ZFR: variants seen among roughly 807,000 people sequenced by gnomAD.
The protein encoded by ZFR is zinc finger RNA binding protein, also known as zinc finger RNA-binding protein.
A neutral mutation model predicts 130.7 loss-of-function variants in ZFR; 19 were observed. The ratio of observed to expected loss-of-function variants is 0.15; its 90% confidence interval spans 0.10 to 0.21. The LOEUF is 0.21. Ranked by LOEUF, ZFR falls within the 10% of genes least tolerant of loss-of-function variation. The pLI is 1.00. For synonymous variants in ZFR, 466 were observed against 456.9 expected, an observed-to-expected ratio of 1.02 and a Z score of -0.25; for missense variants, 872 against 1,321.5, an observed-to-expected ratio of 0.66 and a Z score of 5.27.
At chr5:32,423,737 A>C (rs1045935882) in intron 2 of ZFR, among the ~76,000 whole-genome samples, 3 of 152,210 alleles carry the variant, frequency 2.0e-5, no homozygotes, top group African/African-American at 7.2e-5. Flanking sequence ...GAGTGAAAAA[A>C]ACAAACCTAG....
rs201912742 is a variant in ZFR at position 32,403,092 on chromosome 5, A to G, written c.1516+14T>C. On this transcript the variant is annotated intron_variant, in intron 8 of 19. Transcript: ENST00000265069. ...TTGACAGAGTCAGCAGGGACAGAGA[A>G]TATCAGTACTTGCCAACAAAATTTA... is the stretch of plus-strand genomic sequence containing the variant. The G allele has an allele frequency of 5.6e-6, 9 of 1,610,720 alleles. No homozygotes were observed. In the South Asian group the frequency reaches 7.7e-5, roughly 14 times the overall value.
chr5:32,415,757 T>C (rs984134643), intron 4 of ZFR, among the ~76,000 whole-genome samples: 3 of 152,210 alleles, frequency 2.0e-5, no homozygotes, highest in Non-Finnish European at 4.4e-5. Context: ...TATTCTTAAA[T>C]GGCTGCCACT....
chr5:32,379,935 T>A (rs1365591726), intron 16 of ZFR, 140 bp downstream of exon 16: 1 of 603,820 alleles, frequency 1.7e-6, no homozygotes, highest in African/African-American at 1.8e-5. Flanking sequence ...CAGCTTTCTA[T>A]GTTAACATAT....
chr5:32,384,925 C>A (rs1420256997), intron 15 of ZFR, among the ~76,000 whole-genome samples: 1 of 152,034 alleles, frequency 6.6e-6, no homozygotes, highest in African/African-American at 2.4e-5. Context: ...GTCAAATGTC[C>A]AAATCCTCCT....
intron 2 of ZFR, among the ~76,000 whole-genome samples, chr5:32,441,760 G>T (rs181644805): frequency 2.0e-4 from 30 of 152,020 alleles, no homozygotes; most frequent in Admixed American, 1.4e-3. Flanking sequence ...AGTATTATTG[G>T]GCCTGATTTC....
intron 2 of ZFR, among the ~76,000 whole-genome samples, chr5:32,438,256 T>TC (rs1359977623): frequency 2.9e-5 from 1 of 34,408 alleles, no homozygotes; most frequent in East Asian, 1.5e-3. Flanking sequence ...TCTGAAAATT[T>TC]TTTTTTTTTT....
Position 32,406,966 on chromosome 5 carries a change from A to G in ZFR, c.840T>C (p.Tyr280=), listed in dbSNP as rs760298874. 1 of 1,589,190 alleles carries G rather than the reference A, an allele frequency of 6.3e-7. No homozygotes were observed. The highest frequency in any genetic ancestry group is 8.5e-7 in the Non-Finnish European group (1 of 1,173,410). ...GCTTCTGTTGCTGCTGCTGCTGTTGATAGTAGGAAGATGCAGCTGAATACA... is the reference window on the plus strand; with the variant it reads ...GCTTCTGTTGCTGCTGCTGCTGTTGGTAGTAGGAAGATGCAGCTGAATACA... ...AAVYSAASSY[Y]QQQQQQQKQA... is the part of the protein sequence containing the mutation. Residue 280 remains tyrosine (Y), a synonymous_variant, in exon 6 of 20, where the codon TAT becomes TAC. Transcript: ENST00000265069.
chr5:32,444,085 G>A (rs1421159912), intron 2 of ZFR, 144 bp downstream of exon 2: 5 of 635,646 alleles, frequency 7.9e-6, no homozygotes, highest in Admixed American at 5.6e-5. Flanking sequence ...CGGGGCGGGA[G>A]AGGCCGCCGG....
intron 2 of ZFR, among the ~76,000 whole-genome samples, chr5:32,433,013 T>TG (rs1320191272): frequency 1.3e-5 from 2 of 152,088 alleles, no homozygotes; most frequent in Non-Finnish European, 2.9e-5. Flanking sequence ...ATTATAGACA[T>TG]GAACCACTGT....
chr5:32,400,103 T>G lies in ZFR; in HGVS notation c.1617A>C (p.Glu539Asp). ...GTTCTGACACTGTGTCTTGCTTTAC[T>G]TCAGGAATCTGCACAGCAGAAGTGA... Reference protein sequence around the residue: ...TPVTSAVQIPEVKQDTVSEPV... With the variant: ...TPVTSAVQIPDVKQDTVSEPV... Residue 539 changes from glutamate to aspartate, a missense_variant, in exon 9 of 20, where the codon GAA (glutamate) becomes GAC (aspartate). Coordinates refer to ENST00000265069, the MANE Select transcript of ZFR (RefSeq NM_016107.5). 6.2e-7 allele frequency: 1 copy of G among 1,613,742 alleles called. No homozygotes were observed. The highest frequency in any genetic ancestry group is 8.5e-7 in the Non-Finnish European group (1 of 1,179,718).
intron 12 of ZFR, among the ~76,000 whole-genome samples, chr5:32,389,760 A>C (rs1362154732): frequency 6.6e-6 from 1 of 152,242 alleles, no homozygotes; most frequent in African/African-American, 2.4e-5. Flanking sequence ...GAAAATAAGA[A>C]AGATTCCCAG....
At chr5:32,381,065 G>C (rs1165795339) in intron 15 of ZFR, among the ~76,000 whole-genome samples, 1 of 151,930 alleles carries the variant, frequency 6.6e-6, no homozygotes, top group African/African-American at 2.4e-5. Context: ...TTCAAAAAAT[G>C]ATAAAAGAGA....
chr5:32,397,123 C>T, intron 10 of ZFR, 96 bp downstream of exon 10: 2 of 1,388,234 alleles, frequency 1.4e-6, no homozygotes, highest in Admixed American at 2.5e-5. Context: ...ACTTGGCAAG[C>T]TGTGTTTAGA....
chr5:32,400,063 A>G lies in ZFR; in HGVS notation c.1657T>C (p.Ser553Pro), dbSNP rs775383025. ...ACATCACTCTGTAAAGCAGCAAGAG[A>G]TGCAGGTGTGACTGGTTCTGACACT... ...DTVSEPVTPA[S>P]LAALQSDVQP... is the part of the protein sequence containing the mutation. Residue 553 changes from serine to proline, a missense_variant, in exon 9 of 20, where the codon TCT (serine) becomes CCT (proline). Ser to Pro is a moderately conservative substitution (Grantham distance 74). Around this residue, in one of 7 missense-constraint regions of ZFR, gnomAD observed 54 missense variants for 119.9 expected, o/e 0.45. Transcript: ENST00000265069. The G allele has an allele frequency of 6.8e-6, 11 of 1,613,598 alleles. No individual in the cohort carries two copies. In the South Asian group the frequency reaches 1.2e-4, roughly 18 times the overall value.
intron 17 of ZFR, among the ~76,000 whole-genome samples, chr5:32,376,949 A>G (rs1397064165): frequency 6.9e-6 from 1 of 145,730 alleles, no homozygotes; most frequent in Non-Finnish European, 1.5e-5. Context: ...ACTACACTCC[A>G]GCCTGGGCGA....
At chr5:32,413,442 G>A (rs1436524250) in intron 5 of ZFR, among the ~76,000 whole-genome samples, 1 of 151,984 alleles carries the variant, frequency 6.6e-6, no homozygotes, top group East Asian at 1.9e-4. Context: ...AAATGTTAAT[G>A]ACAATTAGTG....
At chr5:32,413,685 T>C (rs1284558607) in intron 5 of ZFR, among the ~76,000 whole-genome samples, 1 of 152,154 alleles carries the variant, frequency 6.6e-6, no homozygotes, top group East Asian at 1.9e-4. Context: ...AAAAAAAATG[T>C]GACTAATCAG....
intron 17 of ZFR, among the ~76,000 whole-genome samples, chr5:32,374,664 A>G (rs1752756169): frequency 6.6e-6 from 1 of 151,310 alleles, no homozygotes; most frequent in Non-Finnish European, 1.5e-5. Context: ...CAAATACTTT[A>G]CTGGCTAGTC....
chr5:32,391,648 T>C (rs1005095550), intron 11 of ZFR, among the ~76,000 whole-genome samples: 1 of 152,050 alleles, frequency 6.6e-6, no homozygotes, highest in African/African-American at 2.4e-5. Flanking sequence ...GCAAATTCTG[T>C]TAACAATTAG....
Sources: allele counts gnomAD v4.1 joint callset (sites outside exome capture counted in the v4.1 genomes callset), GRCh38; gene constraint gnomAD v4.1.1; regional missense constraint gnomAD v4.1.1; transcripts MANE v1.5; gene names NCBI Gene and HGNC (gene_info 2026-07-23, HGNC 2026-07-21).